The following THOC1 variants were observed in gnomAD, a reference collection of about 807,000 sequenced individuals.
THOC1 encodes the protein THO complex subunit 1.
A neutral mutation model predicts 97.3 loss-of-function variants in THOC1; 29 were observed. The observed-to-expected ratio is 0.30, with a 90% CI of 0.22 to 0.41. The LOEUF is 0.41. Among genes scored for constraint, THOC1 ranks in the 10% least tolerant of loss-of-function variants. The pLI is 1.00. For synonymous variants in THOC1, 255 were observed against 257.0 expected (o/e 0.99, Z 0.07); for missense variants, 529 against 761.9 (o/e 0.69, Z 3.60).
At chr18:228,203 G>A (rs1032847571) in intron 11 of THOC1, among the ~76,000 whole-genome samples, 17 of 152,030 alleles carry the variant, frequency 1.1e-4, no homozygotes, top group Non-Finnish European at 2.2e-4. Flanking sequence ...TAGACCTGGG[G>A]TCACTCACAG....
At chr18:234,417 G>T (rs1911601124) in intron 11 of THOC1, among the ~76,000 whole-genome samples, 1 of 152,056 alleles carries the variant, frequency 6.6e-6, no homozygotes, top group South Asian at 2.1e-4. Context: ...TTGCAATAGG[G>T]TTTTTAAAAT....
At chr18:248,759 A>AC (rs1555607752) in intron 9 of THOC1, among the ~76,000 whole-genome samples, 1 of 148,988 alleles carries the variant, frequency 6.7e-6, no homozygotes, top group Non-Finnish European at 1.5e-5. Context: ...TTTAATTTAA[A>AC]TTTTTTTTTT....
chr18:234,340 T>C (rs1911599140), intron 11 of THOC1, among the ~76,000 whole-genome samples: 1 of 152,246 alleles, frequency 6.6e-6, no homozygotes, highest in Non-Finnish European at 1.5e-5. Flanking sequence ...ATGGTTAGTG[T>C]CCATCCATGT....
intron 11 of THOC1, among the ~76,000 whole-genome samples, chr18:233,593 C>G (rs1474138316): frequency 6.6e-6 from 1 of 152,142 alleles, no homozygotes; most frequent in Non-Finnish European, 1.5e-5. Flanking sequence ...TCAAAATAAA[C>G]AAATAAATAA....
In THOC1 at chr18:225,118, CG is replaced by C. The variant is rs778021280; in HGVS notation, c.1107del (p.Asp370MetfsTer9). The C allele has an allele frequency of 1.1e-5, 18 of 1,576,682 alleles. No individual in the cohort carries two copies. Among genetic ancestry groups the C allele is most frequent in the Admixed American group, 9.1e-5 (5 of 54,878 alleles). Reference protein sequence around the residue: ...SVYQLLSENPPDGERFSKMVE... With the variant: ...SVYQLLSENPXDGERFSKMVE... ...ACCATCTTTGAAAATCTTTCTCCAT[CG>C]GGGGGGTTTTCAGATAGTAGCTGTG... On this transcript the variant is annotated frameshift_variant, in exon 14 of 21. Transcript: ENST00000261600. LOFTEE classifies it high-confidence loss of function.
chr18:229,755 T>C (rs1159781163), intron 11 of THOC1, among the ~76,000 whole-genome samples: 2 of 152,192 alleles, frequency 1.3e-5, no homozygotes, highest in South Asian at 2.1e-4. Context: ...GAACACTCTT[T>C]ACTGTCCTCA....
At chr18:240,416 T>C (rs1371416740) in intron 11 of THOC1, among the ~76,000 whole-genome samples, 2 of 152,220 alleles carry the variant, frequency 1.3e-5, no homozygotes, top group Non-Finnish European at 2.9e-5. Context: ...CTCTAAGTTT[T>C]GTAATATGCT....
intron 7 of THOC1, among the ~76,000 whole-genome samples, chr18:256,800 A>G (rs908506562): frequency 2.6e-5 from 4 of 152,236 alleles, no homozygotes; most frequent in African/African-American, 9.6e-5. Context: ...GCTACCAAAC[A>G]GCATCATGTG....
intron 5 of THOC1, 96 bp downstream of exon 5, chr18:260,090 C>A: frequency 1.3e-6 from 1 of 743,692 alleles, no homozygotes; most frequent in Non-Finnish European, 2.0e-6. Flanking sequence ...TGGCATTCAG[C>A]AATACTACAA....
At chr18:238,312 G>T (rs1911780353) in intron 11 of THOC1, among the ~76,000 whole-genome samples, 1 of 152,222 alleles carries the variant, frequency 6.6e-6, no homozygotes, top group Non-Finnish European at 1.5e-5. Context: ...GAGCTATCAA[G>T]TCTCAATCCT....
At chr18:230,638 A>G (rs1911452752) in intron 11 of THOC1, among the ~76,000 whole-genome samples, 1 of 152,236 alleles carries the variant, frequency 6.6e-6, no homozygotes, top group Non-Finnish European at 1.5e-5. Flanking sequence ...AATACACTCA[A>G]TTGTACCCTT....
At chr18:228,626 T>C (rs1224706221) in intron 11 of THOC1, among the ~76,000 whole-genome samples, 2 of 152,178 alleles carry the variant, frequency 1.3e-5, no homozygotes, top group African/African-American at 4.8e-5. Context: ...GACTTCATGG[T>C]TAATCTCTTC....
intron 13 of THOC1, 97 bp from the exon 14 acceptor site, chr18:225,236 C>A: frequency 6.5e-7 from 1 of 1,532,066 alleles, no homozygotes; most frequent in Non-Finnish European, 8.9e-7. Context: ...GGTCTTGTAC[C>A]TGAGCTTAAC....
chr18:251,420 G>A (rs1373710282), intron 9 of THOC1, among the ~76,000 whole-genome samples: 1 of 152,156 alleles, frequency 6.6e-6, no homozygotes, highest in Non-Finnish European at 1.5e-5. Flanking sequence ...TCAGACACCT[G>A]GAAGAGTGCC....
rs1293605333 is a variant in THOC1 at position 246,412 on chromosome 18, T to A, written c.830A>T (p.Asp277Val). The A allele has an allele frequency of 1.3e-6, 2 of 1,596,854 alleles. No individual in the cohort carries two copies. Among genetic ancestry groups the A allele is most frequent in the Non-Finnish European group, 1.7e-6 (2 of 1,166,672 alleles). ...VLAVFKSYKLDDTQASRKKME... is the reference protein window; with the variant it reads ...VLAVFKSYKLVDTQASRKKME... Reference sequence around the variant, plus strand: ...CTTTTTTCTTGAGGCCTGAGTATCATCTAATTTATAACTCTTAAAAACAGC... The same window carrying A: ...CTTTTTTCTTGAGGCCTGAGTATCAACTAATTTATAACTCTTAAAAACAGC... The change falls in exon 11 of 21, where the codon GAT becomes GTT. Residue 277 changes from aspartate (D) to valine (V), a missense_variant. Transcript: ENST00000261600.
At chr18:222,759 A>C (rs1911134955) in intron 17 of THOC1, among the ~76,000 whole-genome samples, 1 of 152,104 alleles carries the variant, frequency 6.6e-6, no homozygotes, top group African/African-American at 2.4e-5. Flanking sequence ...TGTTAGTTTA[A>C]CTTTGCTCCT....
At chr18:249,258 T>C (rs1244315465) in intron 9 of THOC1, among the ~76,000 whole-genome samples, 1 of 152,160 alleles carries the variant, frequency 6.6e-6, no homozygotes, top group Non-Finnish European at 1.5e-5. Context: ...TAGTAACAAC[T>C]CTGAAAGTAG....
Position 246,310 on chromosome 18 carries a change from A to C in THOC1, c.918+14T>G. On this transcript the variant is annotated intron_variant, in intron 11 of 20. Coordinates refer to ENST00000261600, the MANE Select transcript of THOC1 (RefSeq NM_005131.3). ...CATTTCTTATTATGCTTAATGAAAA[A>C]GAAAAACTTATACCTTTTCACTTGT... The C allele has an allele frequency of 6.6e-7, 1 of 1,519,184 alleles. No homozygotes were observed. Among genetic ancestry groups the C allele is most frequent in the Non-Finnish European group, 9.0e-7 (1 of 1,115,732 alleles). The allele number at this position is 1,519,184 out of a possible 1,614,324, so 94.1% of individuals were successfully genotyped here.
intron 11 of THOC1, among the ~76,000 whole-genome samples, chr18:232,376 C>T (rs908442703): frequency 5.3e-5 from 8 of 152,040 alleles, no homozygotes; most frequent in African/African-American, 1.9e-4. Context: ...GGGATTACAG[C>T]CACTGCACCT....
Sources: gnomAD v4.1 joint callset for allele counts (sites outside exome capture counted in the v4.1 genomes callset) on GRCh38, gnomAD v4.1.1 for gene constraint, MANE v1.5 for transcripts, NCBI Gene and HGNC (gene_info 2026-07-23, HGNC 2026-07-21) for gene names.